DLGAP2: variants seen among roughly 807,000 people sequenced by gnomAD.
DLGAP2 encodes DLG associated protein 2, also known as disks large-associated protein 2.
DLGAP2 carries 26 observed loss-of-function variants against 100.3 expected under a neutral mutation model. That is an observed-to-expected ratio of 0.26 (90% CI 0.19 to 0.36). The LOEUF is 0.36. Ranked by LOEUF, DLGAP2 falls within the 10% of genes least tolerant of loss-of-function variation. DLGAP2 has a pLI of 1.00. For synonymous variants in DLGAP2, 886 were observed against 630.1 expected, an observed-to-expected ratio of 1.41 and a Z score of -6.08; for missense variants, 1,858 against 1,453.2, an observed-to-expected ratio of 1.28 and a Z score of -4.53.
intron 6 of DLGAP2, among the ~76,000 whole-genome samples, chr8:1,585,594 C>A (rs28682884): frequency 0.48 from 73,581 of 151,972 alleles, 17,900 homozygotes; most frequent in African/African-American, 0.53. Context: ...TTTTTTTAAC[C>A]CAACTGTGCC....
At chr8:1,216,640 A>G (rs1262734776) in intron 2 of DLGAP2, among the ~76,000 whole-genome samples, 2 of 151,784 alleles carry the variant, frequency 1.3e-5, no homozygotes, top group Non-Finnish European at 2.9e-5. Flanking sequence ...CCTGCCCTCA[A>G]TTGATTTTTA....
At chr8:916,465 G>A (rs1169457506) in intron 2 of DLGAP2, among the ~76,000 whole-genome samples, 3 of 152,146 alleles carry the variant, frequency 2.0e-5, no homozygotes, top group East Asian at 1.9e-4. Flanking sequence ...TGATAAGTGG[G>A]AATTGAACAA....
At chr8:808,263 A>C (rs967289503) in intron 1 of DLGAP2, among the ~76,000 whole-genome samples, 1 of 152,178 alleles carries the variant, frequency 6.6e-6, no homozygotes, top group African/African-American at 2.4e-5. Flanking sequence ...ATGTGCATGT[A>C]GCGGTGTTTG....
intron 1 of DLGAP2, among the ~76,000 whole-genome samples, chr8:831,657 A>T (rs909931353): frequency 6.6e-6 from 1 of 152,160 alleles, no homozygotes; most frequent in South Asian, 2.1e-4. Context: ...GCTATTGTTA[A>T]TAGTGCCACA....
intron 1 of DLGAP2, among the ~76,000 whole-genome samples, chr8:857,989 C>T (rs1797314416): frequency 6.6e-6 from 1 of 152,006 alleles, no homozygotes; most frequent in African/African-American, 2.4e-5. Flanking sequence ...TTGGGCCCAG[C>T]CTCCTGAGTA....
At position 978,702 on chromosome 8, in the gene DLGAP2, G is replaced by T. The variant is rs559177716; in HGVS notation, c.73+70736G>T. ...GAGGGCGTCGGGGATTCACTGAGGG[G>T]CTGAGTTCTGGTCTTTGCCACGCGG... On this transcript the variant is annotated intron_variant, in intron 2 of 14. Coordinates refer to ENST00000637795, the MANE Select transcript of DLGAP2 (RefSeq NM_001346810.2). Among the ~76,000 whole-genome samples the T allele has an allele frequency of 3.9e-5, 6 of 152,128 alleles. No individual in the cohort carries two copies. In the East Asian group the frequency reaches 1.2e-3, roughly 29 times the overall value.
At chr8:1,291,302 G>C (rs1194436005) in intron 3 of DLGAP2, among the ~76,000 whole-genome samples, 1 of 152,118 alleles carries the variant, frequency 6.6e-6, no homozygotes, top group Non-Finnish European at 1.5e-5. Flanking sequence ...GATTCTCATG[G>C]ACTCAAGATA....
chr8:1,288,433 GTGTGTGTGTGTGTGTGTGGTTCTGT>G (rs1799988046), intron 3 of DLGAP2, among the ~76,000 whole-genome samples: 32 of 144,226 alleles, frequency 2.2e-4, no homozygotes, highest in African/African-American at 2.9e-4. Flanking sequence ...TTGGTTCAGT[GTGTGTGTGTGTGTGTGTGGTTCTGT>G]TAGGAGGGGA....
intron 2 of DLGAP2, among the ~76,000 whole-genome samples, chr8:1,091,276 C>T (rs943377681): frequency 2.6e-5 from 4 of 152,174 alleles, no homozygotes; most frequent in African/African-American, 9.7e-5. Flanking sequence ...AAGGTGAGGC[C>T]TGTGAGGATT....
In DLGAP2 at chr8:1,205,995, A is replaced by G. The variant is rs189291503; in HGVS notation, c.74-52856A>G. Among the ~76,000 whole-genome samples, 481 of 152,302 alleles carry G rather than the reference A, an allele frequency of 3.2e-3. 4 individuals are homozygous for G. Among genetic ancestry groups the G allele is most frequent in the African/African-American group, 0.011 (457 of 41,552 alleles). ...TAGAAAGACCTCATCTCAAGGAAACAAAAGTGAAGAGTGACCTTGGGGATT... is the reference window on the plus strand; with the variant it reads ...TAGAAAGACCTCATCTCAAGGAAACGAAAGTGAAGAGTGACCTTGGGGATT... On this transcript the variant is annotated intron_variant, in intron 2 of 14. Transcript: ENST00000637795.
At chr8:978,601 G>T (rs1222330433) in intron 2 of DLGAP2, among the ~76,000 whole-genome samples, 254 of 146,600 alleles carry the variant, frequency 1.7e-3, no homozygotes, top group African/African-American at 5.9e-3. Context: ...GAGGGGCTGG[G>T]TTCTGGTCTT....
At chr8:1,296,037 C>T (rs528719203) in intron 3 of DLGAP2, 2 of 152,344 alleles carry the variant, frequency 1.3e-5, no homozygotes, top group South Asian at 4.1e-4. Context: ...GGAAGTGTGT[C>T]TGCCAACAAT....
intron 3 of DLGAP2, among the ~76,000 whole-genome samples, chr8:1,473,210 C>T (rs1008693571): frequency 1.3e-5 from 2 of 152,202 alleles, no homozygotes; most frequent in East Asian, 1.9e-4. Flanking sequence ...GGATTACAGT[C>T]GTGAGCCACC....
intron 2 of DLGAP2, among the ~76,000 whole-genome samples, chr8:1,115,429 A>C (rs1257778933): frequency 6.6e-6 from 1 of 152,176 alleles, no homozygotes; most frequent in African/African-American, 2.4e-5. Flanking sequence ...TGAACCCTTT[A>C]CTGGGCATGT....
intron 5 of DLGAP2, among the ~76,000 whole-genome samples, chr8:1,552,929 C>T (rs1801819823): frequency 6.6e-6 from 1 of 152,200 alleles, no homozygotes; most frequent in African/African-American, 2.4e-5. Context: ...TTCATCTTTT[C>T]TGCATCAGCA....
At chr8:900,117 AC>A (rs1456620792) in intron 1 of DLGAP2, among the ~76,000 whole-genome samples, 1 of 152,072 alleles carries the variant, frequency 6.6e-6, no homozygotes, top group Non-Finnish European at 1.5e-5. Flanking sequence ...CCTCCTCTTC[AC>A]GGCGTCGCTC....
At chr8:1,483,547 C>G (rs1792043201) in intron 3 of DLGAP2, among the ~76,000 whole-genome samples, 1 of 146,150 alleles carries the variant, frequency 6.8e-6, no homozygotes, top group South Asian at 2.1e-4. Context: ...GCTCAGGAAG[C>G]AGGACCTGAG....
chr8:1,169,815 A>C (rs1210567948), intron 2 of DLGAP2, among the ~76,000 whole-genome samples: 3 of 151,898 alleles, frequency 2.0e-5, no homozygotes, highest in Non-Finnish European at 4.4e-5. Flanking sequence ...ATATACAATC[A>C]TGTCATCTGC....
chr8:1,078,809 A>C (rs1207496021), intron 2 of DLGAP2, among the ~76,000 whole-genome samples: 1 of 152,222 alleles, frequency 6.6e-6, no homozygotes, highest in East Asian at 1.9e-4. Context: ...TCACCTAATG[A>C]AGGACATCGC....
Sources: gnomAD v4.1 joint callset for allele counts (sites outside exome capture counted in the v4.1 genomes callset) on GRCh38, gnomAD v4.1.1 for gene constraint, MANE v1.5 for transcripts, NCBI Gene and HGNC (gene_info 2026-07-23, HGNC 2026-07-21) for gene names.